Variants in ARGFX observed in about 807,000 individuals in gnomAD.
The protein encoded by ARGFX is arginine-fifty homeobox.
A neutral mutation model predicts 8.0 loss-of-function variants in ARGFX; 10 were observed. The ratio of observed to expected loss-of-function variants is 1.25; its 90% CI spans 0.77 to 2.12. ARGFX has a LOEUF of 2.12. Ranked by LOEUF, ARGFX falls within the 30% of genes most tolerant of loss-of-function variation. The pLI is 0.00. For missense variants in ARGFX, 282 were observed against 324.3 expected (o/e 0.87, Z 1.00); for synonymous variants, 116 against 117.8 (o/e 0.98, Z 0.10).
chr3:121,574,691 G>A (rs567762476), intron 2 of ARGFX, among the ~76,000 whole-genome samples: 2 of 152,314 alleles, frequency 1.3e-5, no homozygotes, highest in South Asian at 2.1e-4. Flanking sequence ...CCTGCTGTGC[G>A]GACCAGTTCC....
At chr3:121,574,080 G>A (rs866628527) in intron 2 of ARGFX, among the ~76,000 whole-genome samples, 2 of 152,064 alleles carry the variant, frequency 1.3e-5, no homozygotes, top group East Asian at 1.9e-4. Context: ...TGGCACTGCC[G>A]CTGTGAAAAA....
intron 2 of ARGFX, among the ~76,000 whole-genome samples, chr3:121,573,026 C>T (rs991060610): frequency 1.3e-5 from 2 of 152,184 alleles, no homozygotes; most frequent in African/African-American, 4.8e-5. Flanking sequence ...AAAGCTAAAA[C>T]TGCAAAGCTC....
chr3:121,572,764 A>C (rs149265454), intron 2 of ARGFX, among the ~76,000 whole-genome samples: 5 of 152,342 alleles, frequency 3.3e-5, no homozygotes, highest in African/African-American at 9.6e-5. Flanking sequence ...CTCAACATTT[A>C]TTACAAATTA....
chr3:121,572,449 T>C (rs768674546), intron 2 of ARGFX, among the ~76,000 whole-genome samples: 27 of 151,208 alleles, frequency 1.8e-4, no homozygotes, highest in Admixed American at 4.0e-4. Flanking sequence ...ACCATGTTGA[T>C]CAGGCTAGAT....
Position 121,569,645 on chromosome 3 carries a change from C to T in ARGFX, c.-12-1057C>T, listed in dbSNP as rs943787922. ...CCTTTCAAAGTGCTGAGATTACAGG[C>T]GTGAGCCACCATGCCCGTCCTGCAA... On this transcript the variant is annotated intron_variant, in intron 1 of 4. Transcript: ENST00000334384. 5.3e-5 allele frequency among the ~76,000 whole-genome samples: 8 copies of T among 152,142 alleles called. No individual in the cohort carries two copies. The East Asian group carries it at 1.2e-3, about 22-fold the overall frequency.
intron 1 of ARGFX, among the ~76,000 whole-genome samples, chr3:121,570,332 C>T (rs1315002382): frequency 1.3e-5 from 2 of 152,154 alleles, no homozygotes; most frequent in Non-Finnish European, 2.9e-5. Flanking sequence ...GACAGTGGTA[C>T]AAAATCTTTG....
chr3:121,581,731 T>C (rs2048781157), intron 3 of ARGFX, among the ~76,000 whole-genome samples: 2 of 151,874 alleles, frequency 1.3e-5, no homozygotes, highest in African/African-American at 4.8e-5. Flanking sequence ...CAAAACCTCA[T>C]CTCTACACAC....
intron 4 of ARGFX, among the ~76,000 whole-genome samples, chr3:121,585,525 A>C (rs66854056): frequency 0.28 from 41,791 of 151,670 alleles, 6,241 homozygotes; most frequent in East Asian, 0.63. Context: ...TTTTTTTCAG[A>C]GATGGGGTCT....
chr3:121,576,416 G>A (rs1422952835), intron 2 of ARGFX, among the ~76,000 whole-genome samples: 3 of 152,052 alleles, frequency 2.0e-5, no homozygotes, highest in Non-Finnish European at 2.9e-5. Flanking sequence ...TCGACTCACC[G>A]CAACCTCTGC....
chr3:121,576,671 C>T (rs2048737680), intron 2 of ARGFX, 113 bp from the exon 3 acceptor site: 15 of 328,704 alleles, frequency 4.6e-5, no homozygotes, highest in South Asian at 3.2e-4. Flanking sequence ...ATTGTTCTTT[C>T]TTTCTCTTTC....
rs531295393 is a variant in ARGFX, at chr3:121,583,817, T to C, written c.221-1100T>C. Among the ~76,000 whole-genome samples, 79 of 152,258 alleles carry C rather than the reference T, an allele frequency of 5.2e-4. No individual in the cohort carries two copies. The South Asian group carries it at 0.011, about 21-fold the overall frequency. On this transcript the variant is annotated intron_variant, in intron 3 of 4. Coordinates refer to ENST00000334384, the MANE Select transcript of ARGFX (RefSeq NM_001012659.2). ...TGCTGGGATTACAGGTGTGAGCACA[T>C]TGTGCTGACCACGTTTGATTTCTTT... is the stretch of plus-strand genomic sequence containing the variant.
At chr3:121,583,263 C>G (rs1416596342) in intron 3 of ARGFX, among the ~76,000 whole-genome samples, 1 of 151,660 alleles carries the variant, frequency 6.6e-6, no homozygotes, top group East Asian at 1.9e-4. Flanking sequence ...CTCCTGACTT[C>G]AAGTGATTCA....
chr3:121,576,697 C>A, intron 2 of ARGFX, 87 bp from the exon 3 acceptor site: 1 of 250,690 alleles, frequency 4.0e-6, no homozygotes. Flanking sequence ...CTTTCTTTCT[C>A]TTTCTTTCTT....
In ARGFX at chr3:121,577,260, T is replaced by TATATATATA. The variant is rs1491494549; in HGVS notation, c.220+360_220+361insATATATATA. 1.4e-3 allele frequency among the ~76,000 whole-genome samples: 43 copies of TATATATATA among 30,870 alleles called. 1 individual carries two copies. In the East Asian group the frequency reaches 0.019, roughly 14 times the overall value. The allele number at this position is 30,870 out of a possible 152,430, so 20.3% of individuals were successfully genotyped here. A position where few individuals can be genotyped will look rare whatever the true frequency, so the allele number is the denominator to read the frequency against. On this transcript the variant is annotated intron_variant, in intron 3 of 4. Coordinates refer to ENST00000334384, the MANE Select transcript of ARGFX (RefSeq NM_001012659.2). ...ATATATATATATATATATATATATA[T>TATATATATA]TTTTTTTTTTTTAAATGGAGTCTCA...
In ARGFX at chr3:121,570,790, T is replaced by C; in HGVS notation, c.77T>C (p.Ile26Thr). ...AGGAATTATTCCAACATGAAGGTGA[T>C]ACCACCACAGGATCCAGCTAGTCCC... Reference protein sequence around the residue: ...INRNYSNMKVIPPQDPASPSF... With the variant: ...INRNYSNMKVTPPQDPASPSF... Residue 26 changes from isoleucine (I) to threonine (T), a missense_variant, in exon 2 of 5, where the codon ATA becomes ACA. Transcript: ENST00000334384. 1.2e-6 allele frequency: 2 copies of C among 1,607,112 alleles called. No homozygotes were observed. The highest frequency in any genetic ancestry group is 1.7e-6 in the Non-Finnish European group (2 of 1,177,100).
At chr3:121,582,491 A>T (rs1294639787) in intron 3 of ARGFX, among the ~76,000 whole-genome samples, 1 of 152,210 alleles carries the variant, frequency 6.6e-6, no homozygotes, top group African/African-American at 2.4e-5. Context: ...TATATATATG[A>T]ACTGAAAAAA....
chr3:121,588,645 G>T lies in ARGFX; in HGVS notation c.*2045G>T, dbSNP rs1416271949. On this transcript the variant is annotated 3_prime_UTR_variant, in exon 5 of 5. Transcript: ENST00000334384. ...AGAAAATGTTTTGAATAGGCCAGGC[G>T]CAGTGGCTCACACCTGTAATCCCAG... Among the ~76,000 whole-genome samples, 1 of 151,536 alleles carries T rather than the reference G, an allele frequency of 6.6e-6. No homozygotes were observed. Among genetic ancestry groups the T allele is most frequent in the East Asian group, 1.9e-4 (1 of 5,156 alleles).
chr3:121,584,876 A>G (rs1318264224), intron 3 of ARGFX, 41 bp from the exon 4 acceptor site: 1 of 1,581,452 alleles, frequency 6.3e-7, no homozygotes, highest in Non-Finnish European at 8.6e-7. Flanking sequence ...AGAGATTGGT[A>G]ATGTAAATGT....
At chr3:121,581,411 G>T (rs2048779401) in intron 3 of ARGFX, among the ~76,000 whole-genome samples, 1 of 152,052 alleles carries the variant, frequency 6.6e-6, no homozygotes, top group South Asian at 2.1e-4. Flanking sequence ...TTCATAGCAA[G>T]ACTTTAAAAT....
Sources: allele counts gnomAD v4.1 joint callset (sites outside exome capture counted in the v4.1 genomes callset), GRCh38; gene constraint gnomAD v4.1.1; transcripts MANE v1.5; gene names NCBI Gene and HGNC (gene_info 2026-07-23, HGNC 2026-07-21).